The following ALX1 variants were observed in gnomAD, a reference collection of about 807,000 sequenced individuals.
ALX1 encodes ALX homeobox 1.
In ALX1, 19 loss-of-function variants were observed where a neutral mutation model predicts 31.7. The ratio of observed to expected loss-of-function variants is 0.60; its 90% CI spans 0.42 to 0.88. The LOEUF is 0.88. Ranked by LOEUF, ALX1 falls within the 40% of genes least tolerant of loss-of-function variation. The pLI, the probability that ALX1 is intolerant of heterozygous loss-of-function variation, is 0.00. For missense variants in ALX1, 415 were observed against 407.8 expected (o/e 1.02, Z -0.15); for synonymous variants, 153 against 148.8 (o/e 1.03, Z -0.20).
At chr12:85,293,487 A>C in intron 3 of ALX1, among the ~76,000 whole-genome samples, 1 of 150,836 alleles carries the variant, frequency 6.6e-6, no homozygotes, top group East Asian at 1.9e-4. Context: ...GCATATACAA[A>C]GACTCTAAAG....
chr12:85,295,056 A>G (rs1896869463), intron 3 of ALX1, among the ~76,000 whole-genome samples: 1 of 151,350 alleles, frequency 6.6e-6, no homozygotes, highest in South Asian at 2.1e-4. Context: ...GAAGACACTG[A>G]TGAAAATGTG....
chr12:85,280,934 A>G (rs1896663920), intron 1 of ALX1, among the ~76,000 whole-genome samples: 1 of 152,018 alleles, frequency 6.6e-6, no homozygotes, highest in South Asian at 2.1e-4. Flanking sequence ...GTAGGGAAAA[A>G]AAAACCGGAA....
intron 1 of ALX1, among the ~76,000 whole-genome samples, chr12:85,281,945 A>G (rs1896679642): frequency 6.6e-6 from 1 of 152,214 alleles, no homozygotes; most frequent in African/African-American, 2.4e-5. Context: ...TAAGAGACAT[A>G]ATTGATGCGT....
At chr12:85,300,044 A>G (rs1451611164) in intron 3 of ALX1, among the ~76,000 whole-genome samples, 8 of 151,996 alleles carry the variant, frequency 5.3e-5, no homozygotes, top group African/African-American at 1.9e-4. Context: ...GCATCATAGT[A>G]TTACTATCCC....
intron 3 of ALX1, among the ~76,000 whole-genome samples, chr12:85,293,190 C>G (rs544106618): frequency 6.7e-6 from 1 of 148,274 alleles, no homozygotes; most frequent in Admixed American, 6.7e-5. Flanking sequence ...GTTTTTGCAG[C>G]GAGTAAATAT....
chr12:85,281,402 T>G (rs1226401808), intron 1 of ALX1, among the ~76,000 whole-genome samples: 2 of 152,212 alleles, frequency 1.3e-5, no homozygotes, highest in Non-Finnish European at 2.9e-5. Context: ...CCAAGAGAAC[T>G]TCTCCTTATC....
intron 1 of ALX1, among the ~76,000 whole-genome samples, chr12:85,283,369 A>G (rs1401688205): frequency 6.6e-6 from 1 of 152,232 alleles, no homozygotes; most frequent in Non-Finnish European, 1.5e-5. Context: ...AGATCATAGC[A>G]GTTGCATGAA....
chr12:85,294,783 A>AT lies in ALX1; in HGVS notation c.661-6362dup, dbSNP rs771815671. On this transcript the variant is annotated intron_variant, in intron 3 of 3. Transcript: ENST00000316824. ...CATATGGGTGTGATATTTAATGGTGATTTTTTTTTTAATGGAAAAGTCACC... is the reference window on the plus strand; with the variant it reads ...CATATGGGTGTGATATTTAATGGTGATTTTTTTTTTTAATGGAAAAGTCACC... Among the ~76,000 whole-genome samples the AT allele has an allele frequency of 7.7e-3, 1,135 of 146,888 alleles. 21 individuals carry two copies. The highest frequency in any genetic ancestry group is 0.026 in the African/African-American group (1,057 of 40,408).
At chr12:85,291,948 T>C (rs1896824161) in intron 3 of ALX1, among the ~76,000 whole-genome samples, 1 of 151,130 alleles carries the variant, frequency 6.6e-6, no homozygotes, top group Non-Finnish European at 1.5e-5. Flanking sequence ...CAAATGAATT[T>C]ACCATGAGGA....
chr12:85,280,890 C>T (rs140099119), intron 1 of ALX1, among the ~76,000 whole-genome samples: 2 of 151,814 alleles, frequency 1.3e-5, no homozygotes, highest in African/African-American at 4.8e-5. Context: ...TGAAATCGAT[C>T]ACAGCTCGTT....
chr12:85,282,955 G>A (rs1593047162), intron 1 of ALX1, among the ~76,000 whole-genome samples: 1 of 151,976 alleles, frequency 6.6e-6, no homozygotes, highest in South Asian at 2.1e-4. Flanking sequence ...TCAAAATTTG[G>A]CATGAAATTT....
chr12:85,284,779 C>T (rs972130175), intron 2 of ALX1, among the ~76,000 whole-genome samples: 1 of 152,006 alleles, frequency 6.6e-6, no homozygotes, highest in Non-Finnish European at 1.5e-5. Flanking sequence ...AGGATAATGG[C>T]CTTGGTCTTT....
chr12:85,300,698 A>G (rs1896952466), intron 3 of ALX1, among the ~76,000 whole-genome samples: 1 of 152,110 alleles, frequency 6.6e-6, no homozygotes, highest in African/African-American at 2.4e-5. Context: ...ATTGTCAGCA[A>G]TGGTTTCCAA....
chr12:85,291,311 A>G (rs903369763), intron 3 of ALX1, among the ~76,000 whole-genome samples: 2 of 151,126 alleles, frequency 1.3e-5, no homozygotes, highest in Non-Finnish European at 3.0e-5. Context: ...CCTGCTTTGT[A>G]GAAAGACTAA....
At chr12:85,293,278 TAA>T (rs1491064440) in intron 3 of ALX1, among the ~76,000 whole-genome samples, 2 of 150,096 alleles carry the variant, frequency 1.3e-5, no homozygotes. Flanking sequence ...TATATATATA[TAA>T]GTTATGTGTA....
At position 85,286,909 on chromosome 12, in the gene ALX1, A is replaced by G. The variant is rs758426051; in HGVS notation, c.588A>G (p.Ile196Met). Reference sequence around the variant, plus strand: ...GAAAAAGGGAACGTTATGGCCAAATACAACAAGCGAAAAGCCATTTTGCTG... The same window carrying G: ...GAAAAAGGGAACGTTATGGCCAAATGCAACAAGCGAAAAGCCATTTTGCTG... The part of the protein sequence containing the change: ...KWRKRERYGQ[I>M]QQAKSHFAAT... The change falls in exon 3 of 4, where the codon ATA becomes ATG. Residue 196 changes from isoleucine (I) to methionine (M), a missense_variant. Around this residue, in one of 3 missense-constraint regions of ALX1, gnomAD observed 174 missense variants for 177.5 expected, o/e 0.98. Coordinates refer to ENST00000316824, the MANE Select transcript of ALX1 (RefSeq NM_006982.3). 3 of 1,612,110 alleles carry G rather than the reference A, an allele frequency of 1.9e-6. No individual in the cohort carries two copies. The highest frequency in any genetic ancestry group is 1.7e-5 in the Admixed American group (1 of 59,892).
intron 2 of ALX1, among the ~76,000 whole-genome samples, chr12:85,284,389 G>A (rs1896722475): frequency 6.7e-6 from 1 of 150,070 alleles, no homozygotes; most frequent in Non-Finnish European, 1.5e-5. Context: ...GTATACCATG[G>A]AATGTTTTCA....
At position 85,284,223 on chromosome 12, in the gene ALX1, T is replaced by G. The variant is rs539479425; in HGVS notation, c.531+347T>G. Among the ~76,000 whole-genome samples the G allele has an allele frequency of 1.3e-3, 63 of 49,036 alleles. No homozygotes were observed. In the African/African-American group the frequency reaches 0.028, roughly 22 times the overall value. The allele number at this position is 49,036 out of a possible 152,430, so 32.2% of individuals were successfully genotyped here. A position where few individuals can be genotyped will look rare whatever the true frequency, so the allele number is the denominator to read the frequency against. ...TTTAGTAATTGGTATATTTATTTGT[T>G]TTTTTTTTTTCGGTTTTATTAGCCA... On this transcript the variant is annotated intron_variant, in intron 2 of 3. Coordinates refer to ENST00000316824, the MANE Select transcript of ALX1 (RefSeq NM_006982.3).
At chr12:85,286,031 T>C (rs540148675) in intron 2 of ALX1, among the ~76,000 whole-genome samples, 1 of 152,056 alleles carries the variant, frequency 6.6e-6, no homozygotes, top group African/African-American at 2.4e-5. Flanking sequence ...GCTGCCACAG[T>C]AACTGATAGA....
Sources: gnomAD v4.1 joint callset for allele counts (sites outside exome capture counted in the v4.1 genomes callset) on GRCh38, gnomAD v4.1.1 for gene constraint, gnomAD v4.1.1 regional missense constraint, MANE v1.5 for transcripts, NCBI Gene and HGNC (gene_info 2026-07-23, HGNC 2026-07-21) for gene names.